Variants in ACTR3C observed in about 807,000 individuals in gnomAD.
The protein encoded by ACTR3C is actin-related protein 3C.
In ACTR3C, 18 loss-of-function variants were observed where a neutral mutation model predicts 26.3. The ratio of observed to expected loss-of-function variants is 0.68; its 90% CI spans 0.47 to 1.01. The LOEUF (loss-of-function observed/expected upper bound fraction) is 1.01, where lower values mean the gene tolerates loss of function less well. Among genes scored for constraint, ACTR3C ranks in the 50% least tolerant of loss-of-function variants. The probability of loss-of-function intolerance (pLI) is 0.00; values close to 1 mark genes in which losing one functional copy is unlikely to be tolerated. For synonymous variants in ACTR3C, 55 were observed against 94.5 expected (o/e 0.58, Z 2.42); for missense variants, 184 against 250.7 (o/e 0.73, Z 1.80).
chr7:150,257,484 G>A (rs1563151728), intron 6 of ACTR3C, among the ~76,000 whole-genome samples: 1 of 152,202 alleles, frequency 6.6e-6, no homozygotes, highest in African/African-American at 2.4e-5. Context: ...ATACCAAGAA[G>A]GAAATGCTAA....
At chr7:150,279,157 TA>T (rs1835119950) in intron 6 of ACTR3C, among the ~76,000 whole-genome samples, 1 of 152,048 alleles carries the variant, frequency 6.6e-6, no homozygotes, top group Non-Finnish European at 1.5e-5. Flanking sequence ...AATTTTTAAT[TA>T]GCTGCAAGTG....
At chr7:150,077,645 C>A in the ACTR3C span, among the ~76,000 whole-genome samples, 2 of 152,174 alleles carry the variant, frequency 1.3e-5, no homozygotes, top group African/African-American at 4.8e-5. Flanking sequence ...GTTCTTCCTC[C>A]TGGAGGAGAA....
chr7:149,989,668 T>C, the ACTR3C span, among the ~76,000 whole-genome samples: 4 of 152,194 alleles, frequency 2.6e-5, no homozygotes, highest in African/African-American at 9.7e-5. Context: ...ACGTTTCTTA[T>C]CCATTCATCT....
At chr7:150,245,300 C>A (rs1011891756), downstream of ACTR3C, 15 of 152,170 alleles carry the variant, frequency 9.9e-5, no homozygotes, top group African/African-American at 3.6e-4. Flanking sequence ...GGTTATCTTA[C>A]GCTATGGTTG....
the ACTR3C span, among the ~76,000 whole-genome samples, chr7:149,887,128 A>G: frequency 1.3e-5 from 2 of 152,192 alleles, no homozygotes; most frequent in East Asian, 1.9e-4. Flanking sequence ...TTATCATGTA[A>G]TAGGGAAGGT....
chr7:150,036,337 CCCTG>C, the ACTR3C span, among the ~76,000 whole-genome samples: 1 of 147,776 alleles, frequency 6.8e-6, no homozygotes, highest in Admixed American at 6.7e-5. Context: ...CCTTTAGCAA[CCCTG>C]TCTAGTTGTT....
chr7:150,173,680 G>A, the ACTR3C span, among the ~76,000 whole-genome samples: 57,438 of 96,616 alleles, frequency 0.59, 17,865 homozygotes, highest in East Asian at 0.78. Context: ...TTTCTATCAC[G>A]TTGTCGGGCT....
the ACTR3C span, among the ~76,000 whole-genome samples, chr7:150,178,353 G>T: frequency 1.6e-4 from 24 of 147,798 alleles, 2 homozygotes; most frequent in African/African-American, 6.3e-4. Context: ...CACGATCTCA[G>T]CTCACTCCAA....
the ACTR3C span, among the ~76,000 whole-genome samples, chr7:150,136,705 G>GT: frequency 6.7e-5 from 9 of 133,602 alleles, no homozygotes; most frequent in Non-Finnish European, 9.0e-5. Flanking sequence ...TAAATAAATG[G>GT]TAAAAAGACC....
At chr7:150,074,515 T>C in the ACTR3C span, 2 of 151,786 alleles carry the variant, frequency 1.3e-5, no homozygotes, top group Non-Finnish European at 2.9e-5. Context: ...CATGCAGGCA[T>C]GTGGCACCTG....
At chr7:150,173,226 G>C in the ACTR3C span, among the ~76,000 whole-genome samples, 2 of 149,486 alleles carry the variant, frequency 1.3e-5, no homozygotes, top group African/African-American at 2.6e-5. Flanking sequence ...GCAAACTTCT[G>C]TCTGGGCATC....
chr7:149,992,450 T>C, the ACTR3C span, among the ~76,000 whole-genome samples: 5,768 of 152,340 alleles, frequency 0.038, 303 homozygotes, highest in East Asian at 0.25. Context: ...TTCTAGCCAC[T>C]GACAAATGAT....
the ACTR3C span, among the ~76,000 whole-genome samples, chr7:149,979,942 G>GAAT: frequency 6.7e-6 from 1 of 149,390 alleles, no homozygotes; most frequent in African/African-American, 2.6e-5. Flanking sequence ...AAATGGAGAA[G>GAAT]AATTAAGAAT....
At chr7:150,185,714 A>G in the ACTR3C span, among the ~76,000 whole-genome samples, 1 of 151,604 alleles carries the variant, frequency 6.6e-6, no homozygotes, top group African/African-American at 2.4e-5. Flanking sequence ...ATGAGCAGAA[A>G]AGCTTTCACA....
the ACTR3C span, among the ~76,000 whole-genome samples, chr7:150,042,960 C>A: frequency 6.6e-6 from 1 of 151,050 alleles, no homozygotes; most frequent in Admixed American, 6.6e-5. Context: ...TCGGGATCCC[C>A]ATTTCAAAGT....
At chr7:149,940,387 GA>G in the ACTR3C span, among the ~76,000 whole-genome samples, 1 of 151,918 alleles carries the variant, frequency 6.6e-6, no homozygotes, top group Non-Finnish European at 1.5e-5. Context: ...TCTTACCAAA[GA>G]GGGCCAGCTA....
chr7:150,138,489 C>CCAGGTGCTTT, the ACTR3C span, among the ~76,000 whole-genome samples: 1 of 152,252 alleles, frequency 6.6e-6, no homozygotes, highest in Admixed American at 6.5e-5. Context: ...CCTGGCACCT[C>CCAGGTGCTTT]ACTTCCCTTC....
At chr7:150,023,306 G>GATACATACATAC in the ACTR3C span, among the ~76,000 whole-genome samples, 667 of 48,636 alleles carry the variant, frequency 0.014, 85 homozygotes, top group African/African-American at 0.048. Context: ...TAGATAGATA[G>GATACATACATAC]ATAGATAGAT....
the ACTR3C span, among the ~76,000 whole-genome samples, chr7:150,214,527 A>G: frequency 6.6e-6 from 1 of 151,746 alleles, no homozygotes; most frequent in Non-Finnish European, 1.5e-5. Context: ...AAAAAGAGAG[A>G]GAAAAGTATC....
Sources: allele counts gnomAD v4.1 joint callset (sites outside exome capture counted in the v4.1 genomes callset), GRCh38; gene constraint gnomAD v4.1.1; transcripts MANE v1.5; gene names NCBI Gene and HGNC (gene_info 2026-07-23, HGNC 2026-07-21).